SAMD4A: variants seen among roughly 807,000 people sequenced by gnomAD.
SAMD4A encodes the protein protein Smaug homolog 1.
A neutral mutation model predicts 81.3 loss-of-function variants in SAMD4A; 33 were observed. The observed-to-expected ratio is 0.41, with a 90% CI of 0.31 to 0.54. The LOEUF (loss-of-function observed/expected upper bound fraction) is 0.54, where lower values mean the gene tolerates loss of function less well. Ranked by LOEUF, SAMD4A falls within the 20% of genes least tolerant of loss-of-function variation. The pLI, the probability that SAMD4A is intolerant of heterozygous loss-of-function variation, is 0.37. For synonymous variants in SAMD4A, 389 were observed against 382.1 expected (o/e 1.02, Z -0.21); for missense variants, 854 against 951.1 (o/e 0.90, Z 1.34).
At chr14:54,653,644 A>G (rs1343681950) in intron 2 of SAMD4A, among the ~76,000 whole-genome samples, 1 of 151,980 alleles carries the variant, frequency 6.6e-6, no homozygotes, top group Non-Finnish European at 1.5e-5. Flanking sequence ...CTAGCCTCTC[A>G]ATATTGTTTT....
intron 4 of SAMD4A, among the ~76,000 whole-genome samples, chr14:54,738,616 A>T (rs1425221322): frequency 6.6e-6 from 1 of 152,210 alleles, no homozygotes; most frequent in Non-Finnish European, 1.5e-5. Flanking sequence ...CAGAGTTTTC[A>T]GGGGACTGTA....
At chr14:54,739,058 T>TTC (rs566535563) in intron 4 of SAMD4A, among the ~76,000 whole-genome samples, 10 of 143,090 alleles carry the variant, frequency 7.0e-5, no homozygotes, top group East Asian at 4.0e-4. Context: ...TCCTTTTCTT[T>TTC]TTTTTTTTTT....
intron 2 of SAMD4A, among the ~76,000 whole-genome samples, chr14:54,653,310 TTATTA>T (rs2035447756): frequency 1.2e-5 from 1 of 83,980 alleles, no homozygotes; most frequent in African/African-American, 6.0e-5. Flanking sequence ...AATATTATTA[TTATTA>T]TTATTATTAT....
At chr14:54,728,972 T>C (rs906755841) in intron 3 of SAMD4A, among the ~76,000 whole-genome samples, 6 of 152,212 alleles carry the variant, frequency 3.9e-5, no homozygotes, top group African/African-American at 1.2e-4. Context: ...AGACCTGGCC[T>C]GCGGTTCAGC....
chr14:54,671,863 A>G (rs2035887344), intron 2 of SAMD4A, among the ~76,000 whole-genome samples: 1 of 152,088 alleles, frequency 6.6e-6, no homozygotes, highest in South Asian at 2.1e-4. Context: ...GGGCCCTAGC[A>G]GGAAGCTGAA....
chr14:54,588,726 A>G (rs2033692697), intron 2 of SAMD4A, among the ~76,000 whole-genome samples: 1 of 151,592 alleles, frequency 6.6e-6, no homozygotes, highest in South Asian at 2.1e-4. Context: ...AGTAGTTTTT[A>G]TTTTTTCTTC....
intron 2 of SAMD4A, among the ~76,000 whole-genome samples, chr14:54,590,420 G>A (rs904854798): frequency 6.6e-5 from 10 of 152,204 alleles, no homozygotes; most frequent in Non-Finnish European, 1.5e-4. Context: ...GAGCCCAGGA[G>A]GTCGAGGCTG....
chr14:54,694,864 G>GA, intron 2 of SAMD4A: 1 of 985,556 alleles, frequency 1.0e-6, no homozygotes, highest in Non-Finnish European at 1.2e-6. Context: ...GGTACCTGGG[G>GA]AAAAAGTAAC....
intron 2 of SAMD4A, among the ~76,000 whole-genome samples, chr14:54,600,275 G>A (rs926237382): frequency 2.4e-4 from 36 of 152,190 alleles, no homozygotes; most frequent in African/African-American, 8.2e-4. Context: ...GTCTGGTGAG[G>A]CAGCTGCTTA....
intron 2 of SAMD4A, chr14:54,687,384 A>C: frequency 2.2e-6 from 1 of 456,562 alleles, no homozygotes. Context: ...ATTTTCCTTG[A>C]AGAATCAAAG....
intron 3 of SAMD4A, among the ~76,000 whole-genome samples, chr14:54,723,880 ATTTT>A (rs1251526106): frequency 2.0e-5 from 3 of 152,112 alleles, no homozygotes; most frequent in East Asian, 3.9e-4. Context: ...AACAATTAGC[ATTTT>A]TTCATTTCAT....
chr14:54,740,127 G>A (rs932860288), intron 4 of SAMD4A, among the ~76,000 whole-genome samples: 12 of 152,158 alleles, frequency 7.9e-5, no homozygotes, highest in East Asian at 1.9e-4. Flanking sequence ...CCAAGATCGC[G>A]CCACTGCACT....
intron 2 of SAMD4A, among the ~76,000 whole-genome samples, chr14:54,697,252 C>G (rs8016022): frequency 0.063 from 9,647 of 152,232 alleles, 397 homozygotes; most frequent in East Asian, 0.16. Context: ...AACTAGAAAG[C>G]AGGGAGGTAG....
chr14:54,702,257 T>C lies in SAMD4A; in HGVS notation c.392T>C (p.Ile131Thr). Residue 131 changes from isoleucine to threonine, a missense_variant, in exon 3 of 13, where the codon ATA becomes ACA. By Grantham distance (89) the Ile-to-Thr change is moderately conservative. Transcript: ENST00000554335. ...ESRQLLSYALIHPATSLEDRS... is the reference protein window; with the variant it reads ...ESRQLLSYALTHPATSLEDRS... ...AGGCAGCTGCTGTCCTATGCTTTGA[T>C]ACATCCAGCCACTTCGTTAGAAGAC... 2 of 1,614,216 alleles carry C rather than the reference T, an allele frequency of 1.2e-6. No individual in the cohort carries two copies. The highest frequency in any genetic ancestry group is 1.7e-6 in the Non-Finnish European group (2 of 1,180,030).
chr14:54,780,128 C>T (rs2038963375), intron 11 of SAMD4A, among the ~76,000 whole-genome samples: 1 of 152,114 alleles, frequency 6.6e-6, no homozygotes, highest in Non-Finnish European at 1.5e-5. Context: ...GGGCAGGGAA[C>T]CCCATAGCAG....
intron 3 of SAMD4A, among the ~76,000 whole-genome samples, chr14:54,726,765 G>GT (rs919690280): frequency 1.3e-4 from 19 of 149,664 alleles, no homozygotes; most frequent in South Asian, 2.1e-4. Context: ...GGGCATCGGG[G>GT]TTTTTTTTTT....
At chr14:54,622,689 A>G (rs1318286526) in intron 2 of SAMD4A, among the ~76,000 whole-genome samples, 6 of 152,136 alleles carry the variant, frequency 3.9e-5, no homozygotes, top group Non-Finnish European at 8.8e-5. Context: ...ATCCTCCTGG[A>G]GCTTTGACAT....
At chr14:54,667,881 G>A (rs894435133) in intron 2 of SAMD4A, among the ~76,000 whole-genome samples, 2 of 152,142 alleles carry the variant, frequency 1.3e-5, no homozygotes, top group South Asian at 2.1e-4. Flanking sequence ...TTACGTGAGC[G>A]CCCCAGACTG....
At chr14:54,651,906 T>G (rs951739398) in intron 2 of SAMD4A, among the ~76,000 whole-genome samples, 17 of 152,246 alleles carry the variant, frequency 1.1e-4, no homozygotes, top group African/African-American at 3.6e-4. Context: ...GTACCTACTT[T>G]GGTAATTGTA....
Sources: allele counts gnomAD v4.1 joint callset (sites outside exome capture counted in the v4.1 genomes callset), GRCh38; gene constraint gnomAD v4.1.1; transcripts MANE v1.5; gene names NCBI Gene and HGNC (gene_info 2026-07-23, HGNC 2026-07-21).